KHK: variants seen among roughly 807,000 people sequenced by gnomAD.
KHK encodes ketohexokinase.
KHK carries 37 observed loss-of-function variants against 36.0 expected under a neutral mutation model. That is an observed-to-expected ratio of 1.03 (90% confidence interval 0.79 to 1.35). The LOEUF (loss-of-function observed/expected upper bound fraction) is 1.35, where lower values mean the gene tolerates loss of function less well. Among genes scored for constraint, KHK ranks in the 40% most tolerant of loss-of-function variants. The pLI is 0.00. For missense variants in KHK, 395 were observed against 391.9 expected (o/e 1.01, Z -0.07); for synonymous variants, 161 against 162.8 (o/e 0.99, Z 0.08).
rs761767044 is a variant in KHK at position 27,096,767 on chromosome 2, T to C, written c.383T>C (p.Val128Ala). The C allele has an allele frequency of 2.5e-5, 40 of 1,613,974 alleles. No homozygotes were observed. Among genetic ancestry groups the C allele is most frequent in the Admixed American group, 2.0e-4 (12 of 59,988 alleles). ...GTGTCTGCTACAGACTTTGAGAAGG[T>C]TGATCTGACCCAGTTCAAGTGGATC... ...PDVSATDFEK[V>A]DLTQFKWIHI... Residue 128 changes from valine (V) to alanine (A), a missense_variant, in exon 4 of 8, where the codon GTT becomes GCT. Physicochemically the swap from Val to Ala is moderately conservative, Grantham distance 64. Coordinates refer to ENST00000260598, the MANE Select transcript of KHK (RefSeq NM_006488.3).
intron 2 of KHK, among the ~76,000 whole-genome samples, chr2:27,094,014 G>A (rs1572865807): frequency 6.6e-6 from 1 of 152,298 alleles, no homozygotes; most frequent in Middle Eastern, 3.4e-3. Context: ...ACTGAGAGAG[G>A]ACAGCACCCT....
chr2:27,092,304 CTGCAGGGACCCTCCCTGTGCTT>C lies in KHK; in HGVS notation c.93-21_93del, dbSNP rs772067227. 6.4e-7 allele frequency: 1 copy of C among 1,561,860 alleles called. No individual in the cohort carries two copies. The highest frequency in any genetic ancestry group is 1.3e-5 in the African/African-American group (1 of 74,100). The stretch of plus-strand genomic sequence containing the variant: ...TGTGCTTGGGATCAGCCTGCTGGGG[CTGCAGGGACCCTCCCTGTGCTT>C]TGCAGGTGTTTGTCCCAGAGATGGC... On this transcript the variant is annotated splice_region_variant and splice_polypyrimidine_tract_variant and intron_variant, in intron 1 of 7. Transcript: ENST00000260598.
At position 27,087,298 on chromosome 2, in the gene KHK, G is replaced by A; in HGVS notation, c.39G>A (p.Val13=). Residue 13 remains valine, a synonymous_variant, in exon 1 of 8, where the codon GTG becomes GTA. Transcript: ENST00000260598. ...EKQILCVGLV[V]LDVISLVDKY... ...AGATCCTGTGCGTGGGGCTAGTGGT[G>A]CTGGACGTCATCAGCCTGGTGGACA... 1 of 1,601,478 alleles carries A rather than the reference G, an allele frequency of 6.2e-7. No individual in the cohort carries two copies. The highest frequency in any genetic ancestry group is 8.5e-7 in the Non-Finnish European group (1 of 1,173,744).
chr2:27,094,928 A>T lies in KHK; in HGVS notation c.338A>T (p.His113Leu). Residue 113 changes from histidine to leucine, a missense_variant, in exon 3 of 8, where the codon CAT (histidine) becomes CTT (leucine). Coordinates refer to ENST00000260598, the MANE Select transcript of KHK (RefSeq NM_006488.3). The part of the protein sequence containing the change: ...NSNGNRTIVL[H>L]DTSLPDVSAT... ...AATGGCAACCGTACCATTGTGCTCC[A>T]TGACACGTAAGGCCCCCGGGCCTCG... The T allele has an allele frequency of 6.2e-7, 1 of 1,613,902 alleles. No individual in the cohort carries two copies. Among genetic ancestry groups the T allele is most frequent in the South Asian group, 1.1e-5 (1 of 91,086 alleles).
intron 5 of KHK, among the ~76,000 whole-genome samples, chr2:27,098,128 G>C (rs141179057): frequency 6.6e-6 from 1 of 152,228 alleles, no homozygotes; most frequent in East Asian, 1.9e-4. Context: ...AATGGAATTT[G>C]GGAAGTAATC....
chr2:27,093,321 G>A lies in KHK; in HGVS notation c.209+873G>A, dbSNP rs545390972. 5.3e-5 allele frequency among the ~76,000 whole-genome samples: 8 copies of A among 152,304 alleles called. No homozygotes were observed. In the East Asian group the frequency reaches 1.5e-3, roughly 29 times the overall value. On this transcript the variant is annotated intron_variant, in intron 2 of 7. Transcript: ENST00000260598. The stretch of plus-strand genomic sequence containing the variant: ...GGGACAGGACGGCTCAGAACCAAGG[G>A]CTGGTGACTCATTAAACCTCTTTAA...
Position 27,099,653 on chromosome 2 carries a change from C to T in KHK, c.812-12C>T, listed in dbSNP as rs770569236. 20 of 1,614,014 alleles carry T rather than the reference C, an allele frequency of 1.2e-5. No individual in the cohort carries two copies. The highest frequency in any genetic ancestry group is 2.2e-5 in the East Asian group (1 of 44,880). On this transcript the variant is annotated splice_polypyrimidine_tract_variant and intron_variant, in intron 7 of 7. Coordinates refer to ENST00000260598, the MANE Select transcript of KHK (RefSeq NM_006488.3). ...AACACCTGGCTGACCTAGCTACTTGCCCCTCCTCCAGGGAGGAGCGTGCAG... is the reference window on the plus strand; with the variant it reads ...AACACCTGGCTGACCTAGCTACTTGTCCCTCCTCCAGGGAGGAGCGTGCAG...
Position 27,087,030 on chromosome 2 carries a change from T to A in KHK, c.-230T>A. On this transcript the variant is annotated 5_prime_UTR_variant, in exon 1 of 8. Transcript: ENST00000260598. ...CGGGAAGACCGGGGACCAAGACCTC[T>A]GGGTTGGCTTTCCTAGACCCGCTCG... 4.3e-6 allele frequency: 2 copies of A among 466,116 alleles called. No individual in the cohort carries two copies. Among genetic ancestry groups the A allele is most frequent in the Non-Finnish European group, 7.7e-6 (2 of 258,284 alleles). The allele number at this position is 466,116 out of a possible 1,614,324, so 28.9% of individuals were successfully genotyped here. A position where few individuals can be genotyped will look rare whatever the true frequency, so the allele number is the denominator to read the frequency against.
chr2:27,100,234 T>G lies in KHK; in HGVS notation c.*484T>G, dbSNP rs1029941781. The G allele has an allele frequency of 1.8e-5, 7 of 388,514 alleles. No individual in the cohort carries two copies. The highest frequency in any genetic ancestry group is 2.4e-5 in the Non-Finnish European group (5 of 204,966). 24.1% of individuals were successfully genotyped at this position (388,514 alleles called of 1,614,324 possible). Reference sequence around the variant, plus strand: ...GGGGCCCTGCGTTGTGCAGACTCTATTCCCACAGCTCAGAAGCTGGGAGTC... The same window carrying G: ...GGGGCCCTGCGTTGTGCAGACTCTAGTCCCACAGCTCAGAAGCTGGGAGTC... On this transcript the variant is annotated 3_prime_UTR_variant, in exon 8 of 8. Transcript: ENST00000260598.
chr2:27,096,868 C>T lies in KHK; in HGVS notation c.417+67C>T, dbSNP rs1670386481. On this transcript the variant is annotated intron_variant, in intron 4 of 7. Transcript: ENST00000260598. The stretch of plus-strand genomic sequence containing the variant: ...CAGCCTCCTCCACATGTTCTGCCTC[C>T]TTGGTTTCTTTGAATCATGAAGTAC... 5.9e-6 allele frequency: 7 copies of T among 1,188,758 alleles called. No homozygotes were observed. In the South Asian group the frequency reaches 8.5e-5, roughly 14 times the overall value. 73.6% of individuals were successfully genotyped at this position (1,188,758 alleles called of 1,614,324 possible).
chr2:27,093,778 GC>G (rs1300462167), intron 2 of KHK, among the ~76,000 whole-genome samples: 1 of 152,210 alleles, frequency 6.6e-6, no homozygotes, highest in Non-Finnish European at 1.5e-5. Context: ...CCTTGTCCTT[GC>G]CCCTGGGCTC....
At chr2:27,099,026 C>G (rs904214641) in intron 5 of KHK, 170 bp from the exon 6 acceptor site, 1 of 702,010 alleles carries the variant, frequency 1.4e-6, no homozygotes, top group Non-Finnish European at 2.6e-6. Flanking sequence ...ACCATCTTCA[C>G]AAAAAATAAA....
At chr2:27,094,251 T>C in intron 2 of KHK, 1 of 604,986 alleles carries the variant, frequency 1.7e-6, no homozygotes. Flanking sequence ...AGCCAAGACC[T>C]AAAAGGATGG....
intron 1 of KHK, 55 bp from the exon 2 acceptor site, chr2:27,092,277 A>G: frequency 3.0e-6 from 4 of 1,323,300 alleles, no homozygotes; most frequent in African/African-American, 1.4e-5. Context: ...TATACAGGAG[A>G]CTGTGCTTGG....
chr2:27,090,643 C>G (rs1488867936), intron 1 of KHK, among the ~76,000 whole-genome samples: 1 of 151,624 alleles, frequency 6.6e-6, no homozygotes, highest in Non-Finnish European at 1.5e-5. Context: ...TTAGTAGAGA[C>G]AGGGTTTCAA....
chr2:27,094,297 C>T, intron 2 of KHK: 1 of 729,380 alleles, frequency 1.4e-6, no homozygotes, highest in South Asian at 1.5e-5. Flanking sequence ...CCAGGCTCTG[C>T]ACTCCTGCAT....
intron 3 of KHK, 68 bp from the exon 4 acceptor site, chr2:27,096,657 CAGTT>C: frequency 8.3e-7 from 1 of 1,207,116 alleles, no homozygotes; most frequent in Non-Finnish European, 1.2e-6. Flanking sequence ...CCACAGCTGC[CAGTT>C]AGAGATCCTG....
intron 3 of KHK, among the ~76,000 whole-genome samples, chr2:27,096,346 C>A (rs1462957220): frequency 1.3e-5 from 2 of 152,084 alleles, no homozygotes; most frequent in East Asian, 3.9e-4. Flanking sequence ...GGCAGGGGGT[C>A]GCGGGCTTTA....
At position 27,100,556 on chromosome 2, in the gene KHK, G is replaced by A. The variant is rs113859516; in HGVS notation, c.*806G>A. 4,802 of 1,289,864 alleles carry A rather than the reference G, an allele frequency of 3.7e-3. 164 individuals are homozygous for A. The African/African-American group carries it at 0.065, about 18-fold the overall frequency. The allele number at this position is 1,289,864 out of a possible 1,614,324, so 79.9% of individuals were successfully genotyped here. ...GGTGGGTAAGGCCTTATAATGTAAA[G>A]AGCATATAATGTAAAGGGCTTTAGA... On this transcript the variant is annotated 3_prime_UTR_variant, in exon 8 of 8. Coordinates refer to ENST00000260598, the MANE Select transcript of KHK (RefSeq NM_006488.3).
Sources: gnomAD v4.1 joint callset for allele counts (sites outside exome capture counted in the v4.1 genomes callset) on GRCh38, gnomAD v4.1.1 for gene constraint, MANE v1.5 for transcripts, NCBI Gene and HGNC (gene_info 2026-07-23, HGNC 2026-07-21) for gene names.